The following SEMA3F variants were observed in gnomAD, a reference collection of about 807,000 sequenced individuals.
SEMA3F encodes semaphorin 3F, also known as semaphorin-3F.
A neutral mutation model predicts 98.5 loss-of-function variants in SEMA3F; 30 were observed. That is an observed-to-expected ratio of 0.30 (90% CI 0.23 to 0.41). The LOEUF is 0.41. SEMA3F is among the 10% of genes least tolerant of loss of function. The pLI, the probability that SEMA3F is intolerant of heterozygous loss-of-function variation, is 1.00. For missense variants in SEMA3F, 866 were observed against 1,119.3 expected, an observed-to-expected ratio of 0.77 and a Z score of 3.23; for synonymous variants, 380 against 444.8, an observed-to-expected ratio of 0.85 and a Z score of 1.83.
intron 17 of SEMA3F, 22 bp downstream of exon 17, chr3:50,186,370 G>A (rs781720292): frequency 6.2e-7 from 1 of 1,609,262 alleles, no homozygotes; most frequent in Non-Finnish European, 8.5e-7. Flanking sequence ...GGGCCTCACT[G>A]TGGGGTGCTG....
At chr3:50,184,482 A>G (rs1699135496) in intron 12 of SEMA3F, 110 bp from the exon 13 acceptor site, 8 of 743,134 alleles carry the variant, frequency 1.1e-5, no homozygotes, top group Middle Eastern at 2.7e-4. Flanking sequence ...TGGGGAGAGG[A>G]GCAGGTTGAG....
At position 50,187,808 on chromosome 3, in the gene SEMA3F, A is replaced by G. The variant is rs886910844; in HGVS notation, c.2051A>G (p.Asn684Ser). The G allele has an allele frequency of 6.2e-7, 1 of 1,613,566 alleles. No homozygotes were observed. The highest frequency in any genetic ancestry group is 1.7e-4 in the Middle Eastern group (1 of 6,060). ...TACTCCTGCACAGCCACTGAGAACAACTTTAAGCACGTCGTCACACGAGTG... is the reference window on the plus strand; with the variant it reads ...TACTCCTGCACAGCCACTGAGAACAGCTTTAAGCACGTCGTCACACGAGTG... ...GLYSCTATEN[N>S]FKHVVTRVQL... The change falls in exon 19 of 19, where the codon AAC (asparagine) becomes AGC (serine). Residue 684 changes from asparagine to serine, a missense_variant. Around this residue, in one of 3 missense-constraint regions of SEMA3F, gnomAD observed 245 missense variants for 260.5 expected, o/e 0.94. Transcript: ENST00000002829.
rs1698088058 is a variant in SEMA3F at position 50,158,662 on chromosome 3, C to G, written c.-48-913C>G. 2.6e-5 allele frequency among the ~76,000 whole-genome samples: 4 copies of G among 152,200 alleles called. No individual in the cohort carries two copies. The South Asian group carries it at 8.3e-4, about 31-fold the overall frequency. On this transcript the variant is annotated intron_variant, in intron 1 of 18. Transcript: ENST00000002829. This position sits in a 1 kb window ranked among gnomAD's most constrained non-coding sequence, Gnocchi z 4.8. ...CTCGATGCCCCCACCCGCAGTGCAT[C>G]CGGTTGGGGGTGGTGGTAGGAGTTG... is the stretch of plus-strand genomic sequence containing the variant.
rs1179177806 is a variant in SEMA3F at position 50,188,894 on chromosome 3, G to C, written c.*779G>C. On this transcript the variant is annotated 3_prime_UTR_variant, in exon 19 of 19. Coordinates refer to ENST00000002829, the MANE Select transcript of SEMA3F (RefSeq NM_004186.5). This position sits in a 1 kb window ranked among gnomAD's most constrained non-coding sequence, Gnocchi z 4.5. ...GGGAGGGGGTCCGTGGTAGAGGCCT[G>C]GGGCCGGTAGAGGCTCCCCAGGGCT... 2 of 152,506 alleles carry C rather than the reference G, an allele frequency of 1.3e-5. No individual in the cohort carries two copies. Among genetic ancestry groups the C allele is most frequent in the Middle Eastern group, 3.2e-3 (1 of 316 alleles). 9.4% of individuals were successfully genotyped at this position (152,506 alleles called of 1,614,324 possible).
intron 2 of SEMA3F, among the ~76,000 whole-genome samples, chr3:50,162,593 C>T (rs1237505219): frequency 6.6e-6 from 1 of 152,194 alleles, no homozygotes; most frequent in Non-Finnish European, 1.5e-5. Context: ...AAAAGCTCTT[C>T]CTTCCCCCAC....
intron 2 of SEMA3F, among the ~76,000 whole-genome samples, chr3:50,164,047 A>G (rs1698313100): frequency 6.6e-6 from 1 of 152,116 alleles, no homozygotes; most frequent in South Asian, 2.1e-4. Flanking sequence ...TGGTCTTTGG[A>G]GAGAATGGAG....
chr3:50,164,807 C>G (rs1438033890), intron 2 of SEMA3F, among the ~76,000 whole-genome samples: 1 of 152,234 alleles, frequency 6.6e-6, no homozygotes, highest in Non-Finnish European at 1.5e-5. Flanking sequence ...ATGGGTGGAT[C>G]TTGCTTGGTG....
chr3:50,182,128 C>G lies in SEMA3F; in HGVS notation c.644-156C>G, dbSNP rs753298127. 6.6e-6 allele frequency among the ~76,000 whole-genome samples: 1 copy of G among 152,346 alleles called. No homozygotes were observed. Among genetic ancestry groups the G allele is most frequent in the Middle Eastern group, 3.4e-3 (1 of 294 alleles). ...GTTACTAATCCCAACCCTCCCAGAG[C>G]CAGTGGTGAAACACTGACCAGCACT... On this transcript the variant is annotated intron_variant, in intron 7 of 18. Transcript: ENST00000002829. The surrounding 1 kb of genome is among the most constrained non-coding windows in gnomAD (Gnocchi z 4.5).
chr3:50,169,496 T>C (rs754355094), intron 2 of SEMA3F, among the ~76,000 whole-genome samples: 4 of 152,176 alleles, frequency 2.6e-5, no homozygotes, highest in Non-Finnish European at 4.4e-5. Context: ...CCTTCCCGGA[T>C]GTCACCCCTC....
chr3:50,186,416 G>T, intron 17 of SEMA3F, 68 bp downstream of exon 17: 1 of 1,520,912 alleles, frequency 6.6e-7, no homozygotes, highest in Non-Finnish European at 9.1e-7. Flanking sequence ...CCACGAAGCT[G>T]CTCACAGGGC....
At chr3:50,186,205 C>G in intron 16 of SEMA3F, 76 bp from the exon 17 acceptor site, 1 of 1,525,042 alleles carries the variant, frequency 6.6e-7, no homozygotes, top group Non-Finnish European at 9.0e-7. Flanking sequence ...GGGCCCTGCC[C>G]TGGAGTCAGG....
In SEMA3F at chr3:50,174,328, T is replaced by C. The variant is rs781592621; in HGVS notation, c.434T>C (p.Val145Ala). 1.2e-5 allele frequency: 20 copies of C among 1,612,638 alleles called. No individual in the cohort carries two copies. The highest frequency in any genetic ancestry group is 1.7e-4 in the Middle Eastern group (1 of 6,056). Residue 145 changes from valine to alanine, a missense_variant, in exon 5 of 19, where the codon GTG becomes GCG. Coordinates refer to ENST00000002829, the MANE Select transcript of SEMA3F (RefSeq NM_004186.5). The stretch of plus-strand genomic sequence containing the variant: ...GCCTACAACCCCATGTGCACCTATG[T>C]GAACCGCGGACGCCGCGCCCAGGTA... The part of the protein sequence containing the change: ...TGAYNPMCTY[V>A]NRGRRAQATP...
Position 50,177,379 on chromosome 3 carries a change from G to C in SEMA3F, c.643+518G>C, listed in dbSNP as rs551287905. On this transcript the variant is annotated intron_variant, in intron 7 of 18. Transcript: ENST00000002829. ...TGTTCTCTGAGTAGGGGTCCTGCCG[G>C]GGTCTCAGGAGCAGCTGCTGCCCCT... 1.5e-3 allele frequency among the ~76,000 whole-genome samples: 228 copies of C among 152,306 alleles called. 3 individuals are homozygous for C. Among genetic ancestry groups the C allele is most frequent in the African/African-American group, 4.8e-3 (200 of 41,560 alleles).
chr3:50,182,949 T>C lies in SEMA3F; in HGVS notation c.949T>C (p.Phe317Leu). 6.2e-7 allele frequency: 1 copy of C among 1,614,066 alleles called. No individual in the cohort carries two copies. The highest frequency in any genetic ancestry group is 8.5e-7 in the Non-Finnish European group (1 of 1,180,016). The part of the protein sequence containing the change: ...HCCLVNKWST[F>L]LKARLVCSVP... ...TTGCCTGGTCAACAAGTGGAGCACA[T>C]TCCTGAAGGCGCGGCTCGTCTGCTC... The change falls in exon 10 of 19, where the codon TTC becomes CTC. Residue 317 changes from phenylalanine (F) to leucine (L), a missense_variant. This residue lies in a region of SEMA3F where 374 missense variants were observed against 582.8 expected (regional missense o/e 0.64). Coordinates refer to ENST00000002829, the MANE Select transcript of SEMA3F (RefSeq NM_004186.5). The surrounding 1 kb of genome is among the most constrained non-coding windows in gnomAD (Gnocchi z 4.5).
At chr3:50,161,137 CCT>C (rs1698191527) in intron 2 of SEMA3F, among the ~76,000 whole-genome samples, 1 of 152,146 alleles carries the variant, frequency 6.6e-6, no homozygotes, top group East Asian at 1.9e-4. Flanking sequence ...TAGAGTGTCT[CCT>C]CCCCCGATAG....
chr3:50,165,263 G>C (rs981170953), intron 2 of SEMA3F, among the ~76,000 whole-genome samples: 2 of 152,194 alleles, frequency 1.3e-5, no homozygotes, highest in Non-Finnish European at 2.9e-5. Flanking sequence ...GAGGACAGAT[G>C]CTAGATGCAG....
intron 2 of SEMA3F, among the ~76,000 whole-genome samples, chr3:50,164,491 G>T (rs2188151): frequency 0.41 from 61,570 of 151,978 alleles, 13,401 homozygotes; most frequent in African/African-American, 0.52. Context: ...TCCTCCAGAG[G>T]TGGTAATAGC....
chr3:50,184,943 C>T (rs1699153812), intron 13 of SEMA3F, 129 bp downstream of exon 13: 1 of 672,240 alleles, frequency 1.5e-6, no homozygotes, highest in Non-Finnish European at 2.5e-6. Flanking sequence ...CATCCTCATC[C>T]TTTGGTGCCT....
At chr3:50,183,890 C>T (rs1699111897) in intron 12 of SEMA3F, among the ~76,000 whole-genome samples, 1 of 152,172 alleles carries the variant, frequency 6.6e-6, no homozygotes, top group Admixed American at 6.5e-5. Flanking sequence ...AGCTGAGGAA[C>T]AGGAGGCAAA....
Sources: allele counts gnomAD v4.1 joint callset (sites outside exome capture counted in the v4.1 genomes callset), GRCh38; gene constraint gnomAD v4.1.1; regional missense constraint gnomAD v4.1.1; non-coding constraint Gnocchi (gnomAD v3.1); transcripts MANE v1.5; gene names NCBI Gene and HGNC (gene_info 2026-07-23, HGNC 2026-07-21).